The following CSRNP2 variants were observed in gnomAD, a reference collection of about 807,000 sequenced individuals.
CSRNP2 encodes the protein cysteine and serine rich nuclear protein 2, also known as cysteine/serine-rich nuclear protein 2.
Under a neutral mutation model 36.6 loss-of-function variants are expected in CSRNP2, and 11 were observed. That is an observed-to-expected ratio of 0.30 (90% confidence interval 0.19 to 0.50). The LOEUF (loss-of-function observed/expected upper bound fraction) is 0.50, where lower values mean the gene tolerates loss of function less well. CSRNP2 is among the 20% of genes least tolerant of loss of function. The pLI is 0.98. For missense variants in CSRNP2, 483 were observed against 691.4 expected, an observed-to-expected ratio of 0.70 and a Z score of 3.38; for synonymous variants, 248 against 275.3, an observed-to-expected ratio of 0.90 and a Z score of 0.98.
At chr12:51,075,534 G>C (rs1388564542) in intron 2 of CSRNP2, among the ~76,000 whole-genome samples, 1 of 152,142 alleles carries the variant, frequency 6.6e-6, no homozygotes, top group African/African-American at 2.4e-5. Context: ...CTGTAGCAGG[G>C]GACAGCAAAC....
At chr12:51,074,664 A>ATC (rs1271587660) in intron 2 of CSRNP2, among the ~76,000 whole-genome samples, 1 of 152,192 alleles carries the variant, frequency 6.6e-6, no homozygotes, top group Non-Finnish European at 1.5e-5. Context: ...TGGGAAGAGG[A>ATC]TCTCTAGTTA....
rs1321959879 is a variant in CSRNP2, at chr12:51,067,927, G to C, written c.454C>G (p.Leu152Val). Residue 152 changes from leucine to valine, a missense_variant, in exon 4 of 5, where the codon CTG becomes GTG. Physicochemically the swap from Leu to Val is conservative, Grantham distance 32 (BLOSUM62 1). This residue lies in a region of CSRNP2 where 206 missense variants were observed against 367.8 expected (regional missense o/e 0.56). Transcript: ENST00000228515. This position sits in a 1 kb window ranked among gnomAD's most constrained non-coding sequence, Gnocchi z 4.1. ...GTVESVEADG[L>V]TLDDVSDEDI... ...TCATCTGACACATCATCCAGCGTCA[G>C]GCCATCAGCCTCCACCGACTCCACT... The C allele has an allele frequency of 5.6e-6, 9 of 1,614,088 alleles. No individual in the cohort carries two copies. The highest frequency in any genetic ancestry group is 6.8e-6 in the Non-Finnish European group (8 of 1,180,008).
At chr12:51,080,004 C>G (rs1188320915) in intron 1 of CSRNP2, among the ~76,000 whole-genome samples, 2 of 125,900 alleles carry the variant, frequency 1.6e-5, no homozygotes, top group African/African-American at 6.2e-5. Context: ...ACCCAGGAGG[C>G]GGAAGTTGCA....
At chr12:51,077,524 A>G (rs1215638164) in intron 1 of CSRNP2, among the ~76,000 whole-genome samples, 1 of 152,204 alleles carries the variant, frequency 6.6e-6, no homozygotes, top group African/African-American at 2.4e-5. Context: ...TTTGGGAAAT[A>G]CTGCTCCAGG....
At position 51,076,386 on chromosome 12, in the gene CSRNP2, G is replaced by T. The variant is rs117390452; in HGVS notation, c.151+25C>A. On this transcript the variant is annotated intron_variant, in intron 2 of 4. Coordinates refer to ENST00000228515, the MANE Select transcript of CSRNP2 (RefSeq NM_030809.3). ...CTGCTGCTTGGGGAATGTGGGTATA[G>T]GCAGGGACGGAGCAGCTTACTCACG... 8,014 of 1,612,484 alleles carry T rather than the reference G, an allele frequency of 5.0e-3. 138 individuals carry two copies. The highest frequency in any genetic ancestry group is 0.049 in the East Asian group (2,202 of 44,854).
At chr12:51,081,570 T>C (rs2018022) in intron 1 of CSRNP2, 111,157 of 152,208 alleles carry the variant, frequency 0.73, 41,638 homozygotes, top group Non-Finnish European at 0.82. Flanking sequence ...GAGAAAATAA[T>C]GCAACTCTCT....
intron 3 of CSRNP2, among the ~76,000 whole-genome samples, chr12:51,068,209 G>C (rs1368278167): frequency 6.6e-6 from 1 of 152,226 alleles, no homozygotes; most frequent in African/African-American, 2.4e-5. Context: ...CCAGGCGGGA[G>C]TGCAGTGGTG....
At chr12:51,073,743 A>C (rs1939282729) in intron 3 of CSRNP2, 80 bp downstream of exon 3, 1 of 1,411,720 alleles carries the variant, frequency 7.1e-7, no homozygotes, top group Admixed American at 2.2e-5. Context: ...AAAAAAAAAA[A>C]AAAATCAATC....
Position 51,061,262 on chromosome 12 carries a change from T to C in CSRNP2, c.*2484A>G, listed in dbSNP as rs999973258. On this transcript the variant is annotated 3_prime_UTR_variant, in exon 5 of 5. Coordinates refer to ENST00000228515, the MANE Select transcript of CSRNP2 (RefSeq NM_030809.3). ...AATATTCTCTTTAAATACAGCATTATCACAATGTAAAGAACCTAAAGGGGA... is the reference window on the plus strand; with the variant it reads ...AATATTCTCTTTAAATACAGCATTACCACAATGTAAAGAACCTAAAGGGGA... 3 of 152,550 alleles carry C rather than the reference T, an allele frequency of 2.0e-5. No homozygotes were observed. Among genetic ancestry groups the C allele is most frequent in the Non-Finnish European group, 2.9e-5 (2 of 68,030 alleles). The allele number at this position is 152,550 out of a possible 1,614,324, so 9.4% of individuals were successfully genotyped here.
At position 51,062,663 on chromosome 12, in the gene CSRNP2, G is replaced by A. The variant is rs929477082; in HGVS notation, c.*1083C>T. On this transcript the variant is annotated 3_prime_UTR_variant, in exon 5 of 5. Coordinates refer to ENST00000228515, the MANE Select transcript of CSRNP2 (RefSeq NM_030809.3). ...ATTTGCAATTCTTGGAATTGAACTG[G>A]AACAGTATAAGAACTCTAACCCGCT... is the stretch of plus-strand genomic sequence containing the variant. 6.6e-6 allele frequency: 1 copy of A among 152,132 alleles called. No homozygotes were observed. The highest frequency in any genetic ancestry group is 1.5e-5 in the Non-Finnish European group (1 of 68,032). The allele number at this position is 152,132 out of a possible 1,614,324, so 9.4% of individuals were successfully genotyped here. A position where few individuals can be genotyped will look rare whatever the true frequency, so the allele number is the denominator to read the frequency against.
At chr12:51,071,192 G>A (rs1454938874) in intron 3 of CSRNP2, among the ~76,000 whole-genome samples, 3 of 150,788 alleles carry the variant, frequency 2.0e-5, no homozygotes, top group East Asian at 2.0e-4. Context: ...CCTGGGAGGC[G>A]GAGGTTGCAG....
At chr12:51,076,741 AGCACTGATGTCTGCTTTCTCAATATT>A in intron 1 of CSRNP2, 94 bp from the exon 2 acceptor site, 3 of 608,570 alleles carry the variant, frequency 4.9e-6, no homozygotes, top group African/African-American at 1.8e-5. Context: ...CACCTCACCT[AGCACTGATGTCTGCTTTCTCAATATT>A]ACGTTCTTTC....
At chr12:51,070,389 CCTTT>C (rs1304993668) in intron 3 of CSRNP2, among the ~76,000 whole-genome samples, 1 of 152,096 alleles carries the variant, frequency 6.6e-6, no homozygotes, top group African/African-American at 2.4e-5. Flanking sequence ...CTACAAAGGG[CCTTT>C]CTGTTTATCT....
intron 3 of CSRNP2, 147 bp downstream of exon 3, chr12:51,073,676 A>T: frequency 6.2e-6 from 5 of 803,598 alleles, no homozygotes; most frequent in Non-Finnish European, 9.8e-6. Flanking sequence ...CAGTGAGCTA[A>T]TATCATGCCA....
intron 3 of CSRNP2, among the ~76,000 whole-genome samples, chr12:51,070,294 G>T (rs1052090019): frequency 6.6e-6 from 1 of 152,140 alleles, no homozygotes; most frequent in South Asian, 2.1e-4. Flanking sequence ...TCTTGTTTGT[G>T]GGGGAGGTGG....
At chr12:51,076,811 G>C (rs374865112) in intron 1 of CSRNP2, 164 bp from the exon 2 acceptor site, 1 of 458,502 alleles carries the variant, frequency 2.2e-6, no homozygotes. Flanking sequence ...TCCTACTTTC[G>C]TTTCCCTTCA....
chr12:51,080,911 T>C (rs1198418652), intron 1 of CSRNP2, among the ~76,000 whole-genome samples: 2 of 152,184 alleles, frequency 1.3e-5, no homozygotes, highest in Non-Finnish European at 2.9e-5. Flanking sequence ...AAATCCTTCT[T>C]TGGGAGGCTG....
At chr12:51,070,646 C>T (rs1015030701) in intron 3 of CSRNP2, among the ~76,000 whole-genome samples, 1 of 152,046 alleles carries the variant, frequency 6.6e-6, no homozygotes, top group Non-Finnish European at 1.5e-5. Flanking sequence ...GTATACTATT[C>T]ATGATAATGA....
rs140835142 is a variant in CSRNP2 at position 51,070,374 on chromosome 12, G to C, written c.412-2405C>G. On this transcript the variant is annotated intron_variant, in intron 3 of 4. Transcript: ENST00000228515. ...AGTCAGTGATTTCGGTACTAGGCAG[G>C]CCAACTACAAAGGGCCTTTCTGTTT... is the stretch of plus-strand genomic sequence containing the variant. Among the ~76,000 whole-genome samples the C allele has an allele frequency of 3.6e-4, 55 of 152,264 alleles. No individual in the cohort carries two copies. In the East Asian group the frequency reaches 9.8e-3, roughly 27 times the overall value.
Sources: gnomAD v4.1 joint callset for allele counts (sites outside exome capture counted in the v4.1 genomes callset) on GRCh38, gnomAD v4.1.1 for gene constraint, gnomAD v4.1.1 regional missense constraint, Gnocchi (gnomAD v3.1) non-coding constraint, MANE v1.5 for transcripts, NCBI Gene and HGNC (gene_info 2026-07-23, HGNC 2026-07-21) for gene names.